The following CLCN2 variants were observed in gnomAD, a reference collection of about 807,000 sequenced individuals.
CLCN2 encodes chloride channel protein 2.
CLCN2 carries 72 observed loss-of-function variants against 108.3 expected under a neutral mutation model. The ratio of observed to expected loss-of-function variants is 0.66; its 90% confidence interval spans 0.55 to 0.81. The LOEUF (loss-of-function observed/expected upper bound fraction) is 0.81. Among genes scored for constraint, CLCN2 ranks in the 30% least tolerant of loss-of-function variants. The pLI, the probability that CLCN2 is intolerant of heterozygous loss-of-function variation, is 0.00. For synonymous variants in CLCN2, 471 were observed against 467.1 expected, an observed-to-expected ratio of 1.01 and a Z score of -0.11; for missense variants, 1,048 against 1,205.2, an observed-to-expected ratio of 0.87 and a Z score of 1.93.
At position 184,361,016 on chromosome 3, in the gene CLCN2, T is replaced by C. The variant is rs758895642; in HGVS notation, c.63+401A>G. 2.6e-5 allele frequency among the ~76,000 whole-genome samples: 4 copies of C among 152,240 alleles called. No homozygotes were observed. Among genetic ancestry groups the C allele is most frequent in the African/African-American group, 2.4e-5 (1 of 41,460 alleles). ...TATGCTTAGCATGGTGCCATGCACATGGCAGGGACACAGAGAATGTCTTGG... is the reference window on the plus strand; with the variant it reads ...TATGCTTAGCATGGTGCCATGCACACGGCAGGGACACAGAGAATGTCTTGG... On this transcript the variant is annotated intron_variant, in intron 1 of 23. Transcript: ENST00000265593. This position sits in a 1 kb window ranked among gnomAD's most constrained non-coding sequence, Gnocchi z 6.6.
At chr3:184,352,169 C>T (rs758536876) in intron 21 of CLCN2, 52 bp from the exon 22 acceptor site, 14 of 1,590,458 alleles carry the variant, frequency 8.8e-6, no homozygotes, top group Non-Finnish European at 1.2e-5. Context: ...TAGCTGACCT[C>T]ACCTCCCTGA....
chr3:184,357,968 G>C lies in CLCN2; in HGVS notation c.609C>G (p.Gly203=). Reference sequence around the variant, plus strand: ...TTCCCCAGCCTGCAGTTACCTCTTTGCCAAGCGGCATCCCGCTGCCTAGGG... The same window carrying C: ...TTCCCCAGCCTGCAGTTACCTCTTTCCCAAGCGGCATCCCGCTGCCTAGGG... ...TCALGSGMPL[G]KEGPFVHIAS... Residue 203 remains glycine, a synonymous_variant, in exon 5 of 24, where the codon GGC becomes GGG. Transcript: ENST00000265593. 2 of 1,613,972 alleles carry C rather than the reference G, an allele frequency of 1.2e-6. No individual in the cohort carries two copies. The highest frequency in any genetic ancestry group is 1.7e-6 in the Non-Finnish European group (2 of 1,180,036).
At position 184,359,255 on chromosome 3, in the gene CLCN2, A is replaced by T. The variant is rs1711666890; in HGVS notation, c.64-124T>A. 2.5e-6 allele frequency: 3 copies of T among 1,216,862 alleles called. No homozygotes were observed. In the South Asian group the frequency reaches 3.7e-5, roughly 15 times the overall value. The allele number at this position is 1,216,862 out of a possible 1,614,324, so 75.4% of individuals were successfully genotyped here. Reference sequence around the variant, plus strand: ...CACTGGATATCCCTCTTGAACGCACAGTTCCCACTCTGGCCCGAGGTGTGG... The same window carrying T: ...CACTGGATATCCCTCTTGAACGCACTGTTCCCACTCTGGCCCGAGGTGTGG... On this transcript the variant is annotated intron_variant, in intron 1 of 23. Coordinates refer to ENST00000265593, the MANE Select transcript of CLCN2 (RefSeq NM_004366.6).
In CLCN2 at chr3:184,361,419, GGGTCT is replaced by G. The variant is rs999574696; in HGVS notation, c.56_60del (p.Gln19ProfsTer27). The G allele has an allele frequency of 1.2e-6, 2 of 1,613,536 alleles. No individual in the cohort carries two copies. Among genetic ancestry groups the G allele is most frequent in the African/African-American group, 1.3e-5 (1 of 74,938 alleles). ...GGGCTCAGCTCAGCTTCACTTACCA[GGGTCT>G]GCTCGTACTGCAGCGCCCGTGGCTC... On this transcript the variant is annotated frameshift_variant, in exon 1 of 24. Transcript: ENST00000265593. LOFTEE classifies it high-confidence loss of function. This position sits in a 1 kb window ranked among gnomAD's most constrained non-coding sequence, Gnocchi z 6.6.
chr3:184,356,886 G>A (rs1728591319), intron 10 of CLCN2, 107 bp downstream of exon 10: 1 of 774,810 alleles, frequency 1.3e-6, no homozygotes, highest in Non-Finnish European at 2.3e-6. Context: ...ATTTCTCAGT[G>A]AAGTGCCTGT....
rs778697476 is a variant in CLCN2 at position 184,352,064 on chromosome 3, G to C, written c.2364C>G (p.Cys788Trp). The C allele has an allele frequency of 1.2e-5, 20 of 1,613,950 alleles. No individual in the cohort carries two copies. The East Asian group carries it at 3.8e-4, about 31-fold the overall frequency. ...QLDEPVNFSDCKIDPAPFQLV... is the reference protein window; with the variant it reads ...QLDEPVNFSDWKIDPAPFQLV... ...GCTGGAAGGGAGCAGGATCAATTTT[G>C]CAGTCACTGAAGTTGACAGGTTCAT... The change falls in exon 22 of 24, where the codon TGC (cysteine) becomes TGG (tryptophan). Residue 788 changes from cysteine (C) to tryptophan (W), a missense_variant. By Grantham distance (215) the Cys-to-Trp change is radical (BLOSUM62 -2). Coordinates refer to ENST00000265593, the MANE Select transcript of CLCN2 (RefSeq NM_004366.6).
chr3:184,361,023 G>A lies in CLCN2; in HGVS notation c.63+394C>T, dbSNP rs941253780. Among the ~76,000 whole-genome samples the A allele has an allele frequency of 3.3e-5, 5 of 152,242 alleles. No homozygotes were observed. Among genetic ancestry groups the A allele is most frequent in the African/African-American group, 4.8e-5 (2 of 41,466 alleles). ...AGCATGGTGCCATGCACATGGCAGG[G>A]ACACAGAGAATGTCTTGGGTGGTGG... On this transcript the variant is annotated intron_variant, in intron 1 of 23. Coordinates refer to ENST00000265593, the MANE Select transcript of CLCN2 (RefSeq NM_004366.6). This position sits in a 1 kb window ranked among gnomAD's most constrained non-coding sequence, Gnocchi z 6.6.
Position 184,359,037 on chromosome 3 carries a change from G to C in CLCN2, c.158C>G (p.Pro53Arg). The change falls in exon 2 of 24, where the codon CCT becomes CGT. Residue 53 changes from proline (P) to arginine (R), a missense_variant. Physicochemically the swap from Pro to Arg is moderately radical, Grantham distance 103. Transcript: ENST00000265593. ...LGGPEPWKGP[P>R]SSRAAPELLE... ...GAGCTCTGGGGCAGCCCGAGAGGAA[G>C]GGGGACCTTTCCAGGGTTCAGGCCC... 6.2e-7 allele frequency: 1 copy of C among 1,613,682 alleles called. No homozygotes were observed. The highest frequency in any genetic ancestry group is 8.5e-7 in the Non-Finnish European group (1 of 1,180,046).
intron 1 of CLCN2, among the ~76,000 whole-genome samples, chr3:184,359,861 G>A (rs141641946): frequency 3.3e-5 from 5 of 152,210 alleles, no homozygotes; most frequent in Admixed American, 6.5e-5. Flanking sequence ...GTGATGGGAC[G>A]GGAGAGTCGC....
At chr3:184,354,434 G>A (rs1688099343) in intron 14 of CLCN2, 114 bp downstream of exon 14, 10 of 1,308,128 alleles carry the variant, frequency 7.6e-6, no homozygotes, top group Non-Finnish European at 1.1e-5. Context: ...GATTGGACCT[G>A]TGCATCTGAG....
At position 184,353,076 on chromosome 3, in the gene CLCN2, CTT is replaced by C. The variant is rs757537920; in HGVS notation, c.2098_2099del (p.Lys700GlufsTer35). 2 of 1,614,122 alleles carry C rather than the reference CTT, an allele frequency of 1.2e-6. No individual in the cohort carries two copies. Among genetic ancestry groups the C allele is most frequent in the Non-Finnish European group, 8.5e-7 (1 of 1,180,002 alleles). Reference sequence around the variant, plus strand: ...GGTTCCTGGTGACACTGGGCCCCCTCTTGAGTGCAGGCTTTAGGGGCTTGTGG... The same window carrying C: ...GGTTCCTGGTGACACTGGGCCCCCTCGAGTGCAGGCTTTAGGGGCTTGTGG... ...ETHKPLKPAL[K>X]RGPSVTRNLG... is the part of the protein sequence containing the mutation. On this transcript the variant is annotated frameshift_variant, in exon 18 of 24. Coordinates refer to ENST00000265593, the MANE Select transcript of CLCN2 (RefSeq NM_004366.6). LOFTEE classifies it high-confidence loss of function.
At chr3:184,360,816 A>C (rs1441103411) in intron 1 of CLCN2, among the ~76,000 whole-genome samples, 2 of 152,162 alleles carry the variant, frequency 1.3e-5, no homozygotes, top group Non-Finnish European at 2.9e-5. Context: ...GCATAGACAA[A>C]GGTCCCAATT....
chr3:184,354,562 C>T lies in CLCN2; in HGVS notation c.1493G>A (p.Gly498Asp), dbSNP rs765755134. Residue 498 changes from glycine to aspartate, a missense_variant, in exon 14 of 24, where the codon GGC (glycine) becomes GAC (aspartate). Transcript: ENST00000265593. ...DSSTYRIVPG[G>D]YAVVGAAALA... ...GAGGCACTCACCGACCACAGCGTAGCCCCCAGGCACAATCCGGTAGGTGCT... is the reference window on the plus strand; with the variant it reads ...GAGGCACTCACCGACCACAGCGTAGTCCCCAGGCACAATCCGGTAGGTGCT... 1.2e-6 allele frequency: 2 copies of T among 1,612,672 alleles called. No homozygotes were observed. Among genetic ancestry groups the T allele is most frequent in the Non-Finnish European group, 1.7e-6 (2 of 1,179,618 alleles).
rs1162445428 is a variant in CLCN2, at chr3:184,357,263, G to A, written c.902C>T (p.Thr301Ile). The A allele has an allele frequency of 6.2e-7, 1 of 1,613,908 alleles. No homozygotes were observed. Among genetic ancestry groups the A allele is most frequent in the Non-Finnish European group, 8.5e-7 (1 of 1,180,020 alleles). Residue 301 changes from threonine to isoleucine, a missense_variant, in exon 9 of 24, where the codon ACT becomes ATT. By Grantham distance (89) the Thr-to-Ile change is moderately conservative. Coordinates refer to ENST00000265593, the MANE Select transcript of CLCN2 (RefSeq NM_004366.6). Reference sequence around the variant, plus strand: ...TCGGGTTTTGAAGAGGGCTGTAATAGTCTCTAAAGGGAAGAACAGCAGAGG... The same window carrying A: ...TCGGGTTTTGAAGAGGGCTGTAATAATCTCTAAAGGGAAGAACAGCAGAGG... ...VLAVWNRDEE[T>I]ITALFKTRFR...
At position 184,355,233 on chromosome 3, in the gene CLCN2, C is replaced by T; in HGVS notation, c.1326+141G>A. 1.0e-6 allele frequency: 1 copy of T among 997,522 alleles called. No homozygotes were observed. The highest frequency in any genetic ancestry group is 1.6e-6 in the Non-Finnish European group (1 of 634,420). 61.8% of individuals were successfully genotyped at this position (997,522 alleles called of 1,614,324 possible). A position where few individuals can be genotyped will look rare whatever the true frequency, so the allele number is the denominator to read the frequency against. On this transcript the variant is annotated intron_variant, in intron 12 of 23. Transcript: ENST00000265593. The surrounding 1 kb of genome is among the most constrained non-coding windows in gnomAD (Gnocchi z 6.3). ...TTTGGGCCAGCTACTTGTGTTTCGA[C>T]TCCCCCATCTTTCAAACGGGGGTGA...
At chr3:184,352,925 G>A (rs1728229688) in intron 18 of CLCN2, 108 bp downstream of exon 18, 1 of 1,525,522 alleles carries the variant, frequency 6.6e-7, no homozygotes, top group African/African-American at 1.4e-5. Context: ...GCCCATGTGG[G>A]CAGCCTCTTC....
intron 1 of CLCN2, among the ~76,000 whole-genome samples, chr3:184,359,843 A>C (rs1711742452): frequency 6.6e-6 from 1 of 152,038 alleles, no homozygotes; most frequent in African/African-American, 2.4e-5. Flanking sequence ...GTGACTGTGG[A>C]TGCTGGGGTG....
chr3:184,347,274 G>A (rs1473646221), intron 22 of CLCN2: 1 of 561,382 alleles, frequency 1.8e-6, no homozygotes, highest in East Asian at 3.2e-5. Context: ...TAGGATGGGG[G>A]AGTAATTCTT....
intron 3 of CLCN2, 73 bp from the exon 4 acceptor site, chr3:184,358,383 A>G: frequency 6.2e-7 from 1 of 1,601,440 alleles, no homozygotes; most frequent in Non-Finnish European, 8.5e-7. Flanking sequence ...CCACGCTGAT[A>G]CGACAGGCTG....
Sources: allele counts gnomAD v4.1 joint callset (sites outside exome capture counted in the v4.1 genomes callset), GRCh38; gene constraint gnomAD v4.1.1; non-coding constraint Gnocchi (gnomAD v3.1); transcripts MANE v1.5; gene names NCBI Gene and HGNC (gene_info 2026-07-23, HGNC 2026-07-21).